DOT1L: variants seen among roughly 807,000 people sequenced by gnomAD.
DOT1L encodes histone-lysine N-methyltransferase, H3 lysine-79 specific.
A neutral mutation model predicts 153.3 loss-of-function variants in DOT1L; 33 were observed. That is an observed-to-expected ratio of 0.22 (90% CI 0.16 to 0.29). DOT1L has a LOEUF of 0.29. Ranked by LOEUF, DOT1L falls within the 10% of genes least tolerant of loss-of-function variation. The pLI is 1.00. For synonymous variants in DOT1L, 1,135 were observed against 965.1 expected, an observed-to-expected ratio of 1.18 and a Z score of -3.26; for missense variants, 1,847 against 2,119.9, an observed-to-expected ratio of 0.87 and a Z score of 2.53.
chr19:2,220,461 C>T lies in DOT1L; in HGVS notation c.2806+239C>T, dbSNP rs755029528. ...CTGGGTCTCCCGACACTGACACCTC[C>T]TGCTTGGGTGTATTAATTCAGCCCG... On this transcript the variant is annotated intron_variant, in intron 23 of 27. Transcript: ENST00000398665. This position sits in a 1 kb window ranked among gnomAD's most constrained non-coding sequence, Gnocchi z 4.5. 51 of 633,720 alleles carry T rather than the reference C, an allele frequency of 8.0e-5. 2 individuals carry two copies. Among genetic ancestry groups the T allele is most frequent in the South Asian group, 7.7e-4 (51 of 66,118 alleles). The allele number at this position is 633,720 out of a possible 1,614,324, so 39.3% of individuals were successfully genotyped here.
chr19:2,228,139 C>T (rs1307445947), intron 27 of DOT1L: 2 of 1,364,808 alleles, frequency 1.5e-6, no homozygotes, highest in Non-Finnish European at 2.0e-6. Context: ...CCTGCTAACG[C>T]CTCTTTGTCT....
intron 16 of DOT1L, chr19:2,212,231 C>T (rs201641435): frequency 6.4e-4 from 103 of 160,556 alleles, no homozygotes; most frequent in African/African-American, 2.1e-3. Context: ...GGTGTGATCT[C>T]GGCTCACTGC....
intron 1 of DOT1L, among the ~76,000 whole-genome samples, chr19:2,178,476 G>GGC (rs1003794677): frequency 6.9e-6 from 1 of 144,652 alleles, no homozygotes; most frequent in African/African-American, 2.6e-5. Context: ...GGAGTGCAGT[G>GGC]GCGCGATCTT....
Position 2,191,974 on chromosome 19 carries a change from C to A in DOT1L, c.493+734C>A, listed in dbSNP as rs867633201. Among the ~76,000 whole-genome samples, 2 of 152,212 alleles carry A rather than the reference C, an allele frequency of 1.3e-5. No individual in the cohort carries two copies. Among genetic ancestry groups the A allele is most frequent in the African/African-American group, 4.8e-5 (2 of 41,464 alleles). ...TACACGAACAGCCTCAGTAGCCTGA[C>A]GAATTCTTGATAGGACCACCCCATC... On this transcript the variant is annotated intron_variant, in intron 5 of 27. Coordinates refer to ENST00000398665, the MANE Select transcript of DOT1L (RefSeq NM_032482.3). This position sits in a 1 kb window ranked among gnomAD's most constrained non-coding sequence, Gnocchi z 6.8.
Position 2,191,858 on chromosome 19 carries a change from C to T in DOT1L, c.493+618C>T, listed in dbSNP as rs2022809297. Among the ~76,000 whole-genome samples, 1 of 152,220 alleles carries T rather than the reference C, an allele frequency of 6.6e-6. No homozygotes were observed. Among genetic ancestry groups the T allele is most frequent in the Non-Finnish European group, 1.5e-5 (1 of 68,034 alleles). On this transcript the variant is annotated intron_variant, in intron 5 of 27. Coordinates refer to ENST00000398665, the MANE Select transcript of DOT1L (RefSeq NM_032482.3). This position sits in a 1 kb window ranked among gnomAD's most constrained non-coding sequence, Gnocchi z 6.8. Reference sequence around the variant, plus strand: ...GACTCTGCTTGTGAGGTGTCGTCTCCTCTCAACCACGGGCGGGGCTCCTTG... The same window carrying T: ...GACTCTGCTTGTGAGGTGTCGTCTCTTCTCAACCACGGGCGGGGCTCCTTG...
Position 2,216,482 on chromosome 19 carries a change from C to T in DOT1L, c.2125C>T (p.Pro709Ser). The T allele has an allele frequency of 6.2e-7, 1 of 1,612,712 alleles. No individual in the cohort carries two copies. The highest frequency in any genetic ancestry group is 8.5e-7 in the Non-Finnish European group (1 of 1,179,964). The change falls in exon 20 of 28, where the codon CCG becomes TCG. Residue 709 changes from proline to serine, a missense_variant. By Grantham distance (74) the Pro-to-Ser change is moderately conservative. Around this residue, in one of 8 missense-constraint regions of DOT1L, gnomAD observed 281 missense variants for 263.6 expected, o/e 1.07. Transcript: ENST00000398665. ...GCTGCCTCACTTGAGCAGCATGAGC[C>T]CGGAGCTCTCCATGAACGGCCAGGC... ...FSLPHLSSMSPELSMNGQAAG... is the reference protein window; with the variant it reads ...FSLPHLSSMSSELSMNGQAAG...
rs75031094 is a variant in DOT1L at position 2,191,733 on chromosome 19, C to G, written c.493+493C>G. Among the ~76,000 whole-genome samples, 3,837 of 152,144 alleles carry G rather than the reference C, an allele frequency of 0.025. 157 individuals are homozygous for G. The highest frequency in any genetic ancestry group is 0.087 in the African/African-American group (3,614 of 41,490). The stretch of plus-strand genomic sequence containing the variant: ...GGAGGCCCTCGCGCCCTCCCTGCAT[C>G]CCCAGTCTCCCTCGGCACCCCTGCG... On this transcript the variant is annotated intron_variant, in intron 5 of 27. Transcript: ENST00000398665. The surrounding 1 kb of genome is among the most constrained non-coding windows in gnomAD (Gnocchi z 6.8).
Position 2,207,556 on chromosome 19 carries a change from C to T in DOT1L, c.857-18C>T. The stretch of plus-strand genomic sequence containing the variant: ...TGTGGGCAGGCGCAGGCCCCGGCCT[C>T]ACCTGTGGCTCCTGCAGACATCGGC... On this transcript the variant is annotated intron_variant, in intron 10 of 27. Transcript: ENST00000398665. The surrounding 1 kb of genome is among the most constrained non-coding windows in gnomAD (Gnocchi z 4.5). The T allele has an allele frequency of 1.2e-6, 2 of 1,603,372 alleles. No individual in the cohort carries two copies. The highest frequency in any genetic ancestry group is 1.7e-6 in the Non-Finnish European group (2 of 1,177,084).
rs1342877161 is a variant in DOT1L at position 2,222,060 on chromosome 19, C to T, written c.2891C>T (p.Thr964Ile). 1 of 1,613,396 alleles carries T rather than the reference C, an allele frequency of 6.2e-7. No homozygotes were observed. The highest frequency in any genetic ancestry group is 1.1e-5 in the South Asian group (1 of 91,082). Residue 964 changes from threonine to isoleucine, a missense_variant, in exon 24 of 28, where the codon ACC becomes ATC. Thr to Ile is a moderately conservative substitution (Grantham distance 89, BLOSUM62 -1). Transcript: ENST00000398665. The surrounding 1 kb of genome is among the most constrained non-coding windows in gnomAD (Gnocchi z 6.5). Reference protein sequence around the residue: ...ASLTPGAEPATLDESSSSGSL... With the variant: ...ASLTPGAEPAILDESSSSGSL... ...CTCACACCTGGAGCCGAGCCGGCCA[C>T]CTTGGATGAGTCCTCCAGCTCTGGG... is the stretch of plus-strand genomic sequence containing the variant.
chr19:2,230,699 T>C lies in DOT1L; in HGVS notation c.*907T>C. 2.5e-6 allele frequency: 1 copy of C among 397,936 alleles called. No homozygotes were observed. Among genetic ancestry groups the C allele is most frequent in the Non-Finnish European group, 4.4e-6 (1 of 226,044 alleles). The allele number at this position is 397,936 out of a possible 1,614,324, so 24.7% of individuals were successfully genotyped here. A position where few individuals can be genotyped will look rare whatever the true frequency, so the allele number is the denominator to read the frequency against. On this transcript the variant is annotated 3_prime_UTR_variant, in exon 28 of 28. Transcript: ENST00000398665. ...ATAAATTTCATAGATTTGACAGCTT[T>C]TATTTTTAGATGGTATAATGCACAG...
chr19:2,177,180 C>T lies in DOT1L; in HGVS notation c.82-3533C>T, dbSNP rs578027256. 4.6e-5 allele frequency among the ~76,000 whole-genome samples: 7 copies of T among 151,652 alleles called. No homozygotes were observed. In the East Asian group the frequency reaches 9.9e-4, roughly 21 times the overall value. On this transcript the variant is annotated intron_variant, in intron 1 of 27. Coordinates refer to ENST00000398665, the MANE Select transcript of DOT1L (RefSeq NM_032482.3). Reference sequence around the variant, plus strand: ...GTCCTGACGGCAGCCACTAGCCACTCGGCTGTGGGCACCCGACATGTGGCT... The same window carrying T: ...GTCCTGACGGCAGCCACTAGCCACTTGGCTGTGGGCACCCGACATGTGGCT...
chr19:2,199,951 G>A lies in DOT1L; in HGVS notation c.707+12G>A, dbSNP rs200310615. 2.2e-3 allele frequency: 3,553 copies of A among 1,613,692 alleles called. 9 individuals carry two copies. Among genetic ancestry groups the A allele is most frequent in the South Asian group, 5.2e-3 (474 of 91,054 alleles). On this transcript the variant is annotated intron_variant, in intron 8 of 27. Coordinates refer to ENST00000398665, the MANE Select transcript of DOT1L (RefSeq NM_032482.3). ...ATCGCCAACACGAGGTATGGCCAGC[G>A]TGGGGCATGCAGGGCATGTGGGGTG... is the stretch of plus-strand genomic sequence containing the variant.
At chr19:2,214,916 C>A (rs1280340130) in intron 19 of DOT1L, among the ~76,000 whole-genome samples, 1 of 152,146 alleles carries the variant, frequency 6.6e-6, no homozygotes, top group African/African-American at 2.4e-5. Context: ...GGAGAATTTG[C>A]TCATTAGAAA....
intron 2 of DOT1L, among the ~76,000 whole-genome samples, chr19:2,183,331 C>T (rs2022331956): frequency 6.6e-6 from 1 of 152,112 alleles, no homozygotes. Context: ...CAACCACGCC[C>T]AGCTAATTTT....
chr19:2,222,525 A>G lies in DOT1L; in HGVS notation c.3356A>G (p.Gln1119Arg). The G allele has an allele frequency of 6.4e-7, 1 of 1,566,668 alleles. No individual in the cohort carries two copies. The highest frequency in any genetic ancestry group is 8.6e-7 in the Non-Finnish European group (1 of 1,160,250). ...CCGTCCGTCGCTGGCCTTTTCACACAGCCTTCGGGGTCTCCCCTCAACCTC... is the reference window on the plus strand; with the variant it reads ...CCGTCCGTCGCTGGCCTTTTCACACGGCCTTCGGGGTCTCCCCTCAACCTC... ...ALPSVAGLFT[Q>R]PSGSPLNLNS... Residue 1119 changes from glutamine (Q) to arginine (R), a missense_variant, in exon 24 of 28, where the codon CAG (glutamine) becomes CGG (arginine). By Grantham distance (43) the Gln-to-Arg change is conservative (BLOSUM62 1). Around this residue, in one of 8 missense-constraint regions of DOT1L, gnomAD observed 934 missense variants for 825.3 expected, o/e 1.13. Transcript: ENST00000398665. This position sits in a 1 kb window ranked among gnomAD's most constrained non-coding sequence, Gnocchi z 6.5.
At chr19:2,179,442 G>A (rs548075090) in intron 1 of DOT1L, among the ~76,000 whole-genome samples, 7 of 152,222 alleles carry the variant, frequency 4.6e-5, no homozygotes, top group African/African-American at 1.7e-4. Context: ...CCAGGGGATC[G>A]CGTCTGCAAC....
At chr19:2,172,626 T>C (rs2021704665) in intron 1 of DOT1L, among the ~76,000 whole-genome samples, 1 of 151,372 alleles carries the variant, frequency 6.6e-6, no homozygotes, top group Non-Finnish European at 1.5e-5. Context: ...TGCCTCAGCC[T>C]CCCGAGTAGC....
rs141421870 is a variant in DOT1L at position 2,206,854 on chromosome 19, G to A, written c.856+57G>A. The A allele has an allele frequency of 4.2e-5, 64 of 1,532,802 alleles. No individual in the cohort carries two copies. The East Asian group carries it at 1.4e-3, about 33-fold the overall frequency. 95.0% of individuals were successfully genotyped at this position (1,532,802 alleles called of 1,614,324 possible). A position where few individuals can be genotyped will look rare whatever the true frequency, so the allele number is the denominator to read the frequency against. On this transcript the variant is annotated intron_variant, in intron 10 of 27. Coordinates refer to ENST00000398665, the MANE Select transcript of DOT1L (RefSeq NM_032482.3). ...ACGGGTAATTTTAACCATCTGACAC[G>A]CAGTATTCCTAGGTCCCTCTTCCTT...
At position 2,207,994 on chromosome 19, in the gene DOT1L, C is replaced by A. The variant is rs2023569862; in HGVS notation, c.963+314C>A. ...TGTGTGACCATAAGGGTCCCGGCCG[C>A]CATATCCAGAGGCCCCTGTGGATAG... On this transcript the variant is annotated intron_variant, in intron 11 of 27. Coordinates refer to ENST00000398665, the MANE Select transcript of DOT1L (RefSeq NM_032482.3). The surrounding 1 kb of genome is among the most constrained non-coding windows in gnomAD (Gnocchi z 4.5). 6.6e-6 allele frequency among the ~76,000 whole-genome samples: 1 copy of A among 152,118 alleles called. No individual in the cohort carries two copies.
Sources: allele counts gnomAD v4.1 joint callset (sites outside exome capture counted in the v4.1 genomes callset), GRCh38; gene constraint gnomAD v4.1.1; regional missense constraint gnomAD v4.1.1; non-coding constraint Gnocchi (gnomAD v3.1); transcripts MANE v1.5; gene names NCBI Gene and HGNC (gene_info 2026-07-23, HGNC 2026-07-21).